The following SDCCAG8 variants were observed in gnomAD, a reference collection of about 807,000 sequenced individuals.
SDCCAG8 encodes the protein serologically defined colon cancer antigen 8.
A neutral mutation model predicts 101.8 loss-of-function variants in SDCCAG8; 74 were observed. The observed-to-expected ratio is 0.73, with a 90% CI of 0.60 to 0.88. The LOEUF is 0.88. Ranked by LOEUF, SDCCAG8 falls within the 40% of genes least tolerant of loss-of-function variation. The pLI is 0.00. For missense variants in SDCCAG8, 787 were observed against 822.6 expected (o/e 0.96, Z 0.53); for synonymous variants, 281 against 292.9 (o/e 0.96, Z 0.41).
chr1:243,361,570 C>T (rs1196522152), intron 12 of SDCCAG8, among the ~76,000 whole-genome samples: 2 of 152,228 alleles, frequency 1.3e-5, no homozygotes, highest in Non-Finnish European at 2.9e-5. Flanking sequence ...CTCCCCACTG[C>T]CTGTCTTTCC....
At chr1:243,259,849 CAA>C (rs1023667211) in intron 1 of SDCCAG8, among the ~76,000 whole-genome samples, 1 of 151,340 alleles carries the variant, frequency 6.6e-6, no homozygotes, top group Non-Finnish European at 1.5e-5. Flanking sequence ...AACAAACAAA[CAA>C]AAAAAGATAT....
chr1:243,269,302 A>ATTTT (rs35934186), intron 1 of SDCCAG8: 3 of 120,558 alleles, frequency 2.5e-5, no homozygotes, highest in Non-Finnish European at 1.7e-5. Flanking sequence ...CTTGGAGGCT[A>ATTTT]TTTTTTTTTT....
chr1:243,393,059 G>A (rs1283097131), intron 13 of SDCCAG8, among the ~76,000 whole-genome samples: 1 of 152,214 alleles, frequency 6.6e-6, no homozygotes. Context: ...TTAATGTGGA[G>A]AGTAAAATCT....
rs1572988344 is a variant in SDCCAG8 at position 243,288,607 on chromosome 1, T to C, written c.546+2210T>C. 2.0e-5 allele frequency among the ~76,000 whole-genome samples: 3 copies of C among 151,632 alleles called. No individual in the cohort carries two copies. In the South Asian group the frequency reaches 6.3e-4, roughly 32 times the overall value. Reference sequence around the variant, plus strand: ...AATATCTTCTTTTGGGGGGAAGGGGTTTTTGTAATGAGTCAATTAAAATGT... The same window carrying C: ...AATATCTTCTTTTGGGGGGAAGGGGCTTTTGTAATGAGTCAATTAAAATGT... On this transcript the variant is annotated intron_variant, in intron 5 of 17. Coordinates refer to ENST00000366541, the MANE Select transcript of SDCCAG8 (RefSeq NM_006642.5).
intron 12 of SDCCAG8, among the ~76,000 whole-genome samples, chr1:243,361,730 CT>C (rs922986891): frequency 2.0e-5 from 3 of 152,304 alleles, no homozygotes; most frequent in East Asian, 3.9e-4. Context: ...CTTTTTCTTT[CT>C]TTTGGTTTCC....
chr1:243,364,861 T>C (rs1435452308), intron 12 of SDCCAG8, among the ~76,000 whole-genome samples: 1 of 152,044 alleles, frequency 6.6e-6, no homozygotes, highest in Non-Finnish European at 1.5e-5. Context: ...GGCTTTAAGA[T>C]GCTGCTTAAA....
chr1:243,399,162 T>C (rs1339942536), intron 13 of SDCCAG8, among the ~76,000 whole-genome samples: 3 of 152,224 alleles, frequency 2.0e-5, no homozygotes, highest in African/African-American at 4.8e-5. Context: ...TCAACACTTA[T>C]AATGTGTGAG....
At chr1:243,357,532 C>T (rs1054146424) in intron 12 of SDCCAG8, among the ~76,000 whole-genome samples, 1 of 152,136 alleles carries the variant, frequency 6.6e-6, no homozygotes, top group African/African-American at 2.4e-5. Context: ...TAACTTAGTC[C>T]ACCTCCTCCA....
At chr1:243,287,696 T>G (rs535062654) in intron 5 of SDCCAG8, among the ~76,000 whole-genome samples, 5 of 152,240 alleles carry the variant, frequency 3.3e-5, no homozygotes, top group Non-Finnish European at 7.3e-5. Flanking sequence ...TATCACCATA[T>G]AGAAAATACT....
intron 4 of SDCCAG8, among the ~76,000 whole-genome samples, chr1:243,281,299 CTT>C (rs1186617896): frequency 4.8e-5 from 6 of 126,244 alleles, no homozygotes; most frequent in Admixed American, 7.9e-5. Context: ...TTTGAGATTT[CTT>C]TTTTTTTTTT....
chr1:243,368,991 G>A (rs186698523), intron 12 of SDCCAG8, among the ~76,000 whole-genome samples: 13 of 152,094 alleles, frequency 8.5e-5, no homozygotes, highest in Admixed American at 8.5e-4. Context: ...TTTCAGGAGG[G>A]GGTTATGTTC....
At chr1:243,448,000 G>A (rs901178247) in intron 16 of SDCCAG8, among the ~76,000 whole-genome samples, 4 of 152,158 alleles carry the variant, frequency 2.6e-5, no homozygotes, top group African/African-American at 7.2e-5. Flanking sequence ...TGTCCCAACC[G>A]TGGCTTTTAT....
intron 16 of SDCCAG8, among the ~76,000 whole-genome samples, chr1:243,465,468 G>A (rs934798279): frequency 1.3e-5 from 2 of 152,234 alleles, no homozygotes; most frequent in African/African-American, 2.4e-5. Context: ...AATTTTGAAT[G>A]TACTATGTTC....
Position 243,322,558 on chromosome 1 carries a change from A to G in SDCCAG8, c.1068+5665A>G, listed in dbSNP as rs951879866. Among the ~76,000 whole-genome samples the G allele has an allele frequency of 4.6e-5, 7 of 152,154 alleles. 1 individual carries two copies. The highest frequency in any genetic ancestry group is 3.3e-4 in the Admixed American group (5 of 15,274). On this transcript the variant is annotated intron_variant, in intron 9 of 17. Transcript: ENST00000366541. ...AGTCTGCACTAGTCCCTTGGTTACA[A>G]AATCTCTGGTGTTACGGAATTTCTC...
chr1:243,424,400 T>A (rs1336635101), intron 15 of SDCCAG8, among the ~76,000 whole-genome samples: 2 of 152,064 alleles, frequency 1.3e-5, no homozygotes, highest in African/African-American at 2.4e-5. Flanking sequence ...ATATCTATTT[T>A]AAAAATTTAG....
At chr1:243,319,960 C>G (rs1383205734) in intron 9 of SDCCAG8, among the ~76,000 whole-genome samples, 2 of 151,962 alleles carry the variant, frequency 1.3e-5, no homozygotes, top group Non-Finnish European at 2.9e-5. Flanking sequence ...CTTCAGCATT[C>G]TTTCTTTTTA....
At chr1:243,486,058 G>T (rs149706077) in intron 16 of SDCCAG8, among the ~76,000 whole-genome samples, 2 of 151,440 alleles carry the variant, frequency 1.3e-5, no homozygotes, top group Non-Finnish European at 2.9e-5. Context: ...ATTAGCCGCC[G>T]TTGTGGCACA....
chr1:243,271,149 T>C, intron 3 of SDCCAG8, 86 bp downstream of exon 3: 1 of 905,464 alleles, frequency 1.1e-6, no homozygotes, highest in Non-Finnish European at 1.8e-6. Context: ...CAGAAAAAAT[T>C]TAAGCATGGC....
intron 9 of SDCCAG8, among the ~76,000 whole-genome samples, chr1:243,323,100 A>G (rs990162673): frequency 4.6e-5 from 7 of 151,024 alleles, no homozygotes; most frequent in Non-Finnish European, 8.8e-5. Context: ...ACGCCACTGC[A>G]CTCCAGCCTG....
Sources: gnomAD v4.1 joint callset for allele counts (sites outside exome capture counted in the v4.1 genomes callset) on GRCh38, gnomAD v4.1.1 for gene constraint, MANE v1.5 for transcripts, NCBI Gene and HGNC (gene_info 2026-07-23, HGNC 2026-07-21) for gene names.